The following ACER1 variants were observed in gnomAD, a reference collection of about 807,000 sequenced individuals.
The protein encoded by ACER1 is alkaline ceramidase 1, also known as CTB-180A7.3.
In ACER1, 28 loss-of-function variants were observed where a neutral mutation model predicts 24.9. That is an observed-to-expected ratio of 1.13 (90% confidence interval 0.83 to 1.54). The LOEUF is 1.54. Among genes scored for constraint, ACER1 ranks in the 40% most tolerant of loss-of-function variants. The probability of loss-of-function intolerance (pLI) is 0.00; values close to 1 mark genes in which losing one functional copy is unlikely to be tolerated. For synonymous variants in ACER1, 132 were observed against 131.4 expected, an observed-to-expected ratio of 1.00 and a Z score of -0.03; for missense variants, 352 against 349.3, an observed-to-expected ratio of 1.01 and a Z score of -0.06.
the ACER1 span, among the ~76,000 whole-genome samples, chr19:6,358,950 A>AAAAAG: frequency 2.7e-5 from 4 of 150,274 alleles, no homozygotes; most frequent in African/African-American, 9.9e-5. Context: ...AAAAAAAAAA[A>AAAAAG]GAGTCCAGCT....
chr19:6,332,844 AT>A (rs1456414370), intron 1 of ACER1, among the ~76,000 whole-genome samples: 1 of 151,710 alleles, frequency 6.6e-6, no homozygotes, highest in Non-Finnish European at 1.5e-5. Context: ...CTAATTTTTT[AT>A]TTTAGTAGAG....
At chr19:6,359,311 C>G in the ACER1 span, among the ~76,000 whole-genome samples, 1 of 146,988 alleles carries the variant, frequency 6.8e-6, no homozygotes, top group African/African-American at 2.6e-5. Context: ...CTCTCTGAAT[C>G]TGCTGTGATT....
At chr19:6,331,603 G>A (rs909073709) in intron 1 of ACER1, among the ~76,000 whole-genome samples, 3 of 151,598 alleles carry the variant, frequency 2.0e-5, no homozygotes, top group Non-Finnish European at 4.4e-5. Context: ...AGACCAGCCT[G>A]GCCAACATGG....
intron 1 of ACER1, among the ~76,000 whole-genome samples, chr19:6,333,189 T>C (rs566243483): frequency 6.6e-6 from 1 of 152,200 alleles, no homozygotes; most frequent in South Asian, 2.1e-4. Context: ...CGGTTGCAAA[T>C]GCCTGCAGTC....
In ACER1 at chr19:6,324,860, A is replaced by AAAGGAAGGGAGGGAGGAAGGAAGG. The variant is rs1310221145; in HGVS notation, c.93+8598_93+8599insCCTTCCTTCCTCCCTCCCTTCCTT. 2.9e-3 allele frequency among the ~76,000 whole-genome samples: 286 copies of AAAGGAAGGGAGGGAGGAAGGAAGG among 100,330 alleles called. 7 individuals carry two copies. The highest frequency in any genetic ancestry group is 0.01 in the African/African-American group (270 of 25,984). The allele number at this position is 100,330 out of a possible 152,430, so 65.8% of individuals were successfully genotyped here. A position where few individuals can be genotyped will look rare whatever the true frequency, so the allele number is the denominator to read the frequency against. On this transcript the variant is annotated intron_variant, in intron 1 of 5. Transcript: ENST00000301452. ...AGGAAGGAAGGAAAGAGAGAGAGAG[A>AAAGGAAGGGAGGGAGGAAGGAAGG]AAGGAAGGAAGGAAGGAAGGAAGGA...
the ACER1 span, among the ~76,000 whole-genome samples, chr19:6,339,673 T>G: frequency 6.6e-6 from 1 of 152,114 alleles, no homozygotes; most frequent in African/African-American, 2.4e-5. Context: ...TTTGTTTTTG[T>G]TTTTTGTTTT....
upstream of ACER1, among the ~76,000 whole-genome samples, chr19:6,336,084 A>G (rs2145025129): frequency 6.6e-6 from 1 of 151,960 alleles, no homozygotes; most frequent in South Asian, 2.1e-4. Flanking sequence ...TATTTTTAGT[A>G]GAGACGGGGT....
the ACER1 span, among the ~76,000 whole-genome samples, chr19:6,357,137 C>T: frequency 2.2e-4 from 34 of 151,460 alleles, no homozygotes; most frequent in African/African-American, 4.8e-4. Flanking sequence ...TTCTGCCTCC[C>T]GGGTTCAAGC....
the ACER1 span, among the ~76,000 whole-genome samples, chr19:6,341,641 T>C: frequency 6.6e-6 from 1 of 152,074 alleles, no homozygotes; most frequent in Non-Finnish European, 1.5e-5. Context: ...TTCTTTTTGT[T>C]TTGAGATGGA....
chr19:6,327,103 G>C (rs896860490), intron 1 of ACER1, among the ~76,000 whole-genome samples: 1 of 152,134 alleles, frequency 6.6e-6, no homozygotes, highest in Admixed American at 6.6e-5. Context: ...CCCTGACCAT[G>C]AGCTGCTGGG....
At chr19:6,318,037 T>G (rs2091612346) in intron 1 of ACER1, among the ~76,000 whole-genome samples, 2 of 152,092 alleles carry the variant, frequency 1.3e-5, no homozygotes, top group South Asian at 4.2e-4. Context: ...TAAAACATGT[T>G]CAGGCTGGGC....
chr19:6,340,317 A>T, the ACER1 span, among the ~76,000 whole-genome samples: 1 of 79,932 alleles, frequency 1.3e-5, no homozygotes, highest in African/African-American at 5.9e-5. Context: ...GGAAGGAAGG[A>T]AGGAAGGAAG....
chr19:6,318,516 G>T (rs954625604), intron 1 of ACER1, among the ~76,000 whole-genome samples: 2 of 149,482 alleles, frequency 1.3e-5, no homozygotes, highest in Non-Finnish European at 3.0e-5. Context: ...AGTGGCTCAT[G>T]CCTGTAATTC....
intron 1 of ACER1, among the ~76,000 whole-genome samples, chr19:6,323,226 A>C (rs113382442): frequency 0.038 from 5,731 of 152,076 alleles, 115 homozygotes; most frequent in Non-Finnish European, 0.052. Context: ...AGAGACCATC[A>C]TGGCTAACAC....
chr19:6,316,828 A>C (rs1387132775), intron 1 of ACER1, among the ~76,000 whole-genome samples: 2 of 151,726 alleles, frequency 1.3e-5, no homozygotes. Flanking sequence ...TCAAAAAAAA[A>C]AAAAAAAGAG....
At chr19:6,327,941 T>C (rs889706609) in intron 1 of ACER1, among the ~76,000 whole-genome samples, 2 of 151,340 alleles carry the variant, frequency 1.3e-5, no homozygotes, top group African/African-American at 4.9e-5. Flanking sequence ...CTGGGCATGG[T>C]GGTGCTCATC....
the ACER1 span, among the ~76,000 whole-genome samples, chr19:6,354,607 C>A: frequency 6.6e-6 from 1 of 152,178 alleles, no homozygotes; most frequent in African/African-American, 2.4e-5. Flanking sequence ...ATATGTTTCT[C>A]CTTGTGAGCC....
chr19:6,318,200 C>T (rs2091613146), intron 1 of ACER1, among the ~76,000 whole-genome samples: 1 of 151,698 alleles, frequency 6.6e-6, no homozygotes, highest in South Asian at 2.1e-4. Context: ...GCATGGATTA[C>T]AGCTCACGCC....
the ACER1 span, among the ~76,000 whole-genome samples, chr19:6,357,602 T>C: frequency 6.6e-6 from 1 of 151,818 alleles, no homozygotes; most frequent in Non-Finnish European, 1.5e-5. Context: ...TGAAACCCCA[T>C]CTCTACTAAA....
Sources: allele counts gnomAD v4.1 joint callset (sites outside exome capture counted in the v4.1 genomes callset), GRCh38; gene constraint gnomAD v4.1.1; transcripts MANE v1.5; gene names NCBI Gene and HGNC (gene_info 2026-07-23, HGNC 2026-07-21).